SLC30A8: variants seen among roughly 807,000 people sequenced by gnomAD.
SLC30A8 encodes proton-coupled zinc antiporter SLC30A8.
Under a neutral mutation model 36.9 loss-of-function variants are expected in SLC30A8, and 27 were observed. The ratio of observed to expected loss-of-function variants is 0.73; its 90% CI spans 0.54 to 1.01. The LOEUF (loss-of-function observed/expected upper bound fraction) is 1.01, where lower values mean the gene tolerates loss of function less well. Ranked by LOEUF, SLC30A8 falls within the 50% of genes least tolerant of loss-of-function variation. The pLI, the probability that SLC30A8 is intolerant of heterozygous loss-of-function variation, is 0.00. For synonymous variants in SLC30A8, 164 were observed against 172.4 expected, an observed-to-expected ratio of 0.95 and a Z score of 0.38; for missense variants, 439 against 452.0, an observed-to-expected ratio of 0.97 and a Z score of 0.26.
intron 1 of SLC30A8, among the ~76,000 whole-genome samples, chr8:116,988,745 A>G (rs1010758790): frequency 1.3e-5 from 2 of 152,228 alleles, no homozygotes; most frequent in African/African-American, 2.4e-5. Flanking sequence ...AGCCTCTGGC[A>G]TATACTTAAA....
intron 2 of SLC30A8, among the ~76,000 whole-genome samples, chr8:117,067,271 A>G (rs1302752372): frequency 6.6e-6 from 1 of 152,062 alleles, no homozygotes; most frequent in Non-Finnish European, 1.5e-5. Context: ...GAGCCAAACC[A>G]TAACATTGAC....
At chr8:117,117,053 T>A (rs892848665) in intron 2 of SLC30A8, among the ~76,000 whole-genome samples, 4 of 151,986 alleles carry the variant, frequency 2.6e-5, no homozygotes, top group African/African-American at 7.2e-5. Context: ...AAAAAGGTAA[T>A]GAAAAATAAT....
chr8:116,975,671 G>A (rs1814972513), intron 1 of SLC30A8, among the ~76,000 whole-genome samples: 1 of 152,206 alleles, frequency 6.6e-6, no homozygotes, highest in South Asian at 2.1e-4. Flanking sequence ...TCAGAAGGAA[G>A]AAATGAGCTT....
chr8:117,108,102 CT>C (rs1467929755), intron 2 of SLC30A8, among the ~76,000 whole-genome samples: 1 of 152,010 alleles, frequency 6.6e-6, no homozygotes, highest in Non-Finnish European at 1.5e-5. Flanking sequence ...TATATTTTTC[CT>C]TTAATCAGCC....
chr8:116,978,743 TATTTTCTGGAA>T (rs1037590668), intron 1 of SLC30A8, among the ~76,000 whole-genome samples: 13 of 152,162 alleles, frequency 8.5e-5, no homozygotes, highest in African/African-American at 3.1e-4. Context: ...CATAGATAAT[TATTTTCTGGAA>T]ATTTTCTGAG....
intron 2 of SLC30A8, among the ~76,000 whole-genome samples, chr8:117,098,379 A>C (rs1340081580): frequency 6.6e-6 from 1 of 152,086 alleles, no homozygotes; most frequent in Non-Finnish European, 1.5e-5. Flanking sequence ...GAAAAATGGG[A>C]ATGTTAAGAA....
At chr8:117,054,485 G>C (rs1235555647) in intron 2 of SLC30A8, among the ~76,000 whole-genome samples, 1 of 152,146 alleles carries the variant, frequency 6.6e-6, no homozygotes, top group African/African-American at 2.4e-5. Context: ...AGAGCAAATG[G>C]TATGTGATTC....
chr8:117,010,687 T>G (rs1260980133), intron 1 of SLC30A8, among the ~76,000 whole-genome samples: 3 of 152,162 alleles, frequency 2.0e-5, no homozygotes, highest in Non-Finnish European at 4.4e-5. Flanking sequence ...AAAAGAGGGT[T>G]CATTGGCTCA....
intron 2 of SLC30A8, chr8:117,147,729 T>G (rs887668698): frequency 1.3e-5 from 2 of 152,798 alleles, no homozygotes; most frequent in Non-Finnish European, 2.9e-5. Context: ...TTGAGAAAGC[T>G]AAACAATTCG....
In SLC30A8 at chr8:117,172,499, A is replaced by C. The variant is rs370784699; in HGVS notation, c.965-37A>C. The stretch of plus-strand genomic sequence containing the variant: ...TCAGAGCAGTCGCCCATGCGTGTGC[A>C]ATCAGTGCTAATCTCCCTGTGCTTC... On this transcript the variant is annotated intron_variant, in intron 7 of 7. Coordinates refer to ENST00000456015, the MANE Select transcript of SLC30A8 (RefSeq NM_173851.3). The C allele has an allele frequency of 1.3e-5, 21 of 1,613,156 alleles. No individual in the cohort carries two copies. In the African/African-American group the frequency reaches 2.4e-4, roughly 18 times the overall value.
chr8:117,036,542 G>A lies in SLC30A8; in HGVS notation c.-265-2677G>A, dbSNP rs1817217895. On this transcript the variant is annotated intron_variant, in intron 1 of 10. Coordinates refer to the SLC30A8 transcript ENST00000427715. ...CTCACGGTTCGACATGGCTGGGGAG[G>A]TCTTACATGGCTGGGAAACTTCCAA... Among the ~76,000 whole-genome samples the A allele has an allele frequency of 2.0e-5, 3 of 152,278 alleles. No homozygotes were observed. In the South Asian group the frequency reaches 6.2e-4, roughly 32 times the overall value.
intron 2 of SLC30A8, among the ~76,000 whole-genome samples, chr8:117,060,648 G>C (rs17812822): frequency 0.13 from 20,164 of 152,148 alleles, 1,455 homozygotes; most frequent in Non-Finnish European, 0.16. Flanking sequence ...CCCTACTCCA[G>C]AGACAATTTG....
At chr8:117,171,404 A>G (rs1254692432) in intron 7 of SLC30A8, among the ~76,000 whole-genome samples, 1 of 152,116 alleles carries the variant, frequency 6.6e-6, no homozygotes, top group Non-Finnish European at 1.5e-5. Context: ...AGACAGAACA[A>G]AGGACTAAAA....
chr8:116,959,247 A>T (rs1305136261), intron 1 of SLC30A8, among the ~76,000 whole-genome samples: 1 of 152,144 alleles, frequency 6.6e-6, no homozygotes, highest in East Asian at 1.9e-4. Flanking sequence ...TGCAGTATCT[A>T]ATCGGCTAGT....
chr8:117,143,572 G>A (rs1269396148), intron 1 of SLC30A8, among the ~76,000 whole-genome samples: 4 of 151,598 alleles, frequency 2.6e-5, no homozygotes, highest in Admixed American at 1.3e-4. Context: ...GAGATGATAA[G>A]GAATATATCT....
rs541423103 is a variant in SLC30A8 at position 117,048,027 on chromosome 8, A to G, written c.-226+8769A>G. 1.7e-3 allele frequency among the ~76,000 whole-genome samples: 263 copies of G among 152,288 alleles called. 3 individuals carry two copies. The highest frequency in any genetic ancestry group is 8.2e-4 in the Non-Finnish European group (56 of 68,026). On this transcript the variant is annotated intron_variant, in intron 2 of 10. Coordinates refer to the SLC30A8 transcript ENST00000427715. ...TTGTTTAGCATATAATCAAGAAATAACCATAAAAATGGGCAACCAGCAGCT... is the reference window on the plus strand; with the variant it reads ...TTGTTTAGCATATAATCAAGAAATAGCCATAAAAATGGGCAACCAGCAGCT...
In SLC30A8 at chr8:116,974,165, C is replaced by T. The variant is rs571912997; in HGVS notation, c.-266+23046C>T. ...ATGACTAAAACACCAAAAACAATGG[C>T]AACAAAAGCCAAAATAGACAAATGG... On this transcript the variant is annotated intron_variant, in intron 1 of 10. Transcript: ENST00000427715. 1.2e-4 allele frequency among the ~76,000 whole-genome samples: 19 copies of T among 152,232 alleles called. No homozygotes were observed. The East Asian group carries it at 3.7e-3, about 29-fold the overall frequency.
chr8:117,167,320 A>G (rs1447958508), intron 6 of SLC30A8, among the ~76,000 whole-genome samples: 2 of 152,162 alleles, frequency 1.3e-5, no homozygotes, highest in East Asian at 3.9e-4. Context: ...AAACTATGTT[A>G]GTATAGTACT....
chr8:117,031,064 A>G (rs1817028692), intron 1 of SLC30A8, among the ~76,000 whole-genome samples: 1 of 152,184 alleles, frequency 6.6e-6, no homozygotes, highest in African/African-American at 2.4e-5. Context: ...TGAGGCCATA[A>G]CTGACCCCAT....
Sources: allele counts gnomAD v4.1 joint callset (sites outside exome capture counted in the v4.1 genomes callset), GRCh38; gene constraint gnomAD v4.1.1; transcripts MANE v1.5; gene names NCBI Gene and HGNC (gene_info 2026-07-23, HGNC 2026-07-21).